SDK2: variants seen among roughly 807,000 people sequenced by gnomAD.
The protein encoded by SDK2 is protein sidekick-2.
Under a neutral mutation model 253.9 loss-of-function variants are expected in SDK2, and 105 were observed. That is an observed-to-expected ratio of 0.41 (90% CI 0.35 to 0.49). SDK2 has a LOEUF of 0.49. SDK2 is among the 20% of genes least tolerant of loss of function. The probability of loss-of-function intolerance (pLI) is 0.06; values close to 1 mark genes in which losing one functional copy is unlikely to be tolerated. For synonymous variants in SDK2, 1,249 were observed against 1,234.9 expected (o/e 1.01, Z -0.24); for missense variants, 2,608 against 3,003.0 (o/e 0.87, Z 3.07).
intron 1 of SDK2, among the ~76,000 whole-genome samples, chr17:73,608,943 T>A (rs2045941057): frequency 6.6e-6 from 1 of 152,210 alleles, no homozygotes; most frequent in African/African-American, 2.4e-5. Context: ...GAGAAGCAAC[T>A]GAACTCTACA....
chr17:73,352,218 C>T lies in SDK2; in HGVS notation c.5758+255G>A, dbSNP rs889630828. Among the ~76,000 whole-genome samples the T allele has an allele frequency of 1.3e-5, 2 of 152,148 alleles. No homozygotes were observed. The highest frequency in any genetic ancestry group is 2.9e-5 in the Non-Finnish European group (2 of 68,006). ...TTTGCATCTTGGGCCCTCTGCTCTG[C>T]CCCTACCCAGGGCTTCTGGAGTTCC... On this transcript the variant is annotated intron_variant, in intron 41 of 44. Transcript: ENST00000392650. This position sits in a 1 kb window ranked among gnomAD's most constrained non-coding sequence, Gnocchi z 4.1.
intron 39 of SDK2, among the ~76,000 whole-genome samples, chr17:73,359,937 C>T (rs547700292): frequency 3.9e-5 from 6 of 152,334 alleles, no homozygotes; most frequent in East Asian, 1.9e-4. Flanking sequence ...CCCCCACACC[C>T]GGCTGGTTCT....
At chr17:73,483,509 G>A (rs200672333) in intron 2 of SDK2, among the ~76,000 whole-genome samples, 1 of 48,872 alleles carries the variant, frequency 2.0e-5, no homozygotes, top group South Asian at 6.8e-4. Context: ...GTGTGTGTGT[G>A]TATGTGTGTG....
intron 4 of SDK2, among the ~76,000 whole-genome samples, chr17:73,451,504 C>T (rs2063489643): frequency 6.6e-6 from 1 of 152,126 alleles, no homozygotes; most frequent in Admixed American, 6.5e-5. Flanking sequence ...AAATCCATCT[C>T]AAAACAAAAA....
Position 73,350,381 on chromosome 17 carries a change from G to A in SDK2, c.5900-6C>T, listed in dbSNP as rs1306290674. The A allele has an allele frequency of 3.7e-6, 6 of 1,612,294 alleles. No individual in the cohort carries two copies. The African/African-American group carries it at 8.0e-5, about 22-fold the overall frequency. On this transcript the variant is annotated splice_region_variant and splice_polypyrimidine_tract_variant and intron_variant, in intron 42 of 44. Coordinates refer to ENST00000392650, the MANE Select transcript of SDK2 (RefSeq NM_001144952.2). ...TCCAGACTTGGCACTGTTCCCTGAA[G>A]TCGGCGGGAGATTGACACCCTTTAG...
chr17:73,415,244 C>A (rs2063170724), intron 17 of SDK2, among the ~76,000 whole-genome samples: 1 of 152,150 alleles, frequency 6.6e-6, no homozygotes. Context: ...GGCCACACAG[C>A]CAAGGCTCTC....
chr17:73,351,068 G>A (rs1912462882), intron 41 of SDK2, among the ~76,000 whole-genome samples: 1 of 151,988 alleles, frequency 6.6e-6, no homozygotes, highest in African/African-American at 2.4e-5. Context: ...TGTCTGCCAG[G>A]GACATAGGAG....
chr17:73,466,714 C>A (rs539453302), intron 3 of SDK2, among the ~76,000 whole-genome samples: 2 of 103,320 alleles, frequency 1.9e-5, no homozygotes, highest in Non-Finnish European at 4.3e-5. Flanking sequence ...CTCTGGGGAA[C>A]GCCCCCCCCC....
In SDK2 at chr17:73,435,699, A is replaced by T; in HGVS notation, c.1001-55T>A. The T allele has an allele frequency of 1.3e-5, 19 of 1,465,680 alleles. No homozygotes were observed. The highest frequency in any genetic ancestry group is 1.6e-5 in the Non-Finnish European group (18 of 1,095,136). The allele number at this position is 1,465,680 out of a possible 1,614,324, so 90.8% of individuals were successfully genotyped here. A position where few individuals can be genotyped will look rare whatever the true frequency, so the allele number is the denominator to read the frequency against. ...CCTGCCTCCTGCCTCCTCTCCGCCT[A>T]GGAGGGGTGCTTGGGAGGAGGCCGG... On this transcript the variant is annotated intron_variant, in intron 8 of 44. Coordinates refer to ENST00000392650, the MANE Select transcript of SDK2 (RefSeq NM_001144952.2). The surrounding 1 kb of genome is among the most constrained non-coding windows in gnomAD (Gnocchi z 5.7).
intron 1 of SDK2, among the ~76,000 whole-genome samples, chr17:73,533,908 G>A (rs1274948392): frequency 2.6e-5 from 4 of 152,044 alleles, no homozygotes; most frequent in African/African-American, 4.8e-5. Flanking sequence ...CACTCCACTT[G>A]CTAATTAGAG....
In SDK2 at chr17:73,609,822, G is replaced by C. The variant is rs2045951544; in HGVS notation, c.64+34203C>G. On this transcript the variant is annotated intron_variant, in intron 1 of 44. Transcript: ENST00000392650. This position sits in a 1 kb window ranked among gnomAD's most constrained non-coding sequence, Gnocchi z 4.4. ...TGCATGAGAACCTCCAGAAAACCTC[G>C]AGAGCCCCCAGGGCCCAAGGAGACA... Among the ~76,000 whole-genome samples the C allele has an allele frequency of 6.6e-6, 1 of 152,168 alleles. No homozygotes were observed. The highest frequency in any genetic ancestry group is 1.5e-5 in the Non-Finnish European group (1 of 68,034).
Position 73,616,550 on chromosome 17 carries a change from G to A in SDK2, c.64+27475C>T, listed in dbSNP as rs940745956. On this transcript the variant is annotated intron_variant, in intron 1 of 44. Transcript: ENST00000392650. The surrounding 1 kb of genome is among the most constrained non-coding windows in gnomAD (Gnocchi z 5.2). ...TTCGTTCTCCTGGCTGAATTACCAC[G>A]TGGCAGCAGATCCTTTTTCTGGAGT... Among the ~76,000 whole-genome samples the A allele has an allele frequency of 6.6e-6, 1 of 152,158 alleles. No homozygotes were observed. The highest frequency in any genetic ancestry group is 1.5e-5 in the Non-Finnish European group (1 of 68,036).
At chr17:73,582,949 C>T (rs2045555949) in intron 1 of SDK2, among the ~76,000 whole-genome samples, 1 of 152,188 alleles carries the variant, frequency 6.6e-6, no homozygotes, top group Non-Finnish European at 1.5e-5. Context: ...CCTTTACAAC[C>T]CTCTAACGTG....
intron 1 of SDK2, among the ~76,000 whole-genome samples, chr17:73,596,544 G>T (rs1341048104): frequency 6.6e-6 from 1 of 152,134 alleles, no homozygotes; most frequent in Admixed American, 6.5e-5. Flanking sequence ...CTGTCCCAGC[G>T]TCCCAGCCTC....
chr17:73,437,710 G>A, intron 8 of SDK2, 29 bp downstream of exon 8: 1 of 1,575,450 alleles, frequency 6.3e-7, no homozygotes, highest in Non-Finnish European at 8.7e-7. Flanking sequence ...TGGGGTCTTT[G>A]TCCCCCTCCA....
At chr17:73,545,101 A>G (rs949506964) in intron 1 of SDK2, among the ~76,000 whole-genome samples, 54 of 135,618 alleles carry the variant, frequency 4.0e-4, no homozygotes, top group Non-Finnish European at 3.2e-4. Context: ...ACGTGCACGC[A>G]CACACACACA....
At chr17:73,430,906 T>C (rs1163207635) in intron 11 of SDK2, among the ~76,000 whole-genome samples, 2 of 152,200 alleles carry the variant, frequency 1.3e-5, no homozygotes, top group Non-Finnish European at 2.9e-5. Context: ...TAGTGCTTCA[T>C]GCACCAGGAC....
At chr17:73,458,075 C>T (rs1397551600) in intron 3 of SDK2, among the ~76,000 whole-genome samples, 1 of 152,034 alleles carries the variant, frequency 6.6e-6, no homozygotes, top group African/African-American at 2.4e-5. Flanking sequence ...ACCTCTTGGG[C>T]TCAAGCAATC....
chr17:73,480,250 C>T (rs938342963), intron 2 of SDK2, among the ~76,000 whole-genome samples: 7 of 152,172 alleles, frequency 4.6e-5, no homozygotes, highest in Admixed American at 1.3e-4. Context: ...ATGAACCTAA[C>T]GGGATATGTA....
Sources: allele counts gnomAD v4.1 joint callset (sites outside exome capture counted in the v4.1 genomes callset), GRCh38; gene constraint gnomAD v4.1.1; non-coding constraint Gnocchi (gnomAD v3.1); transcripts MANE v1.5; gene names NCBI Gene and HGNC (gene_info 2026-07-23, HGNC 2026-07-21).